SEMA4D: variants seen among roughly 807,000 people sequenced by gnomAD.
The protein encoded by SEMA4D is semaphorin 4D, also known as semaphorin-4D.
SEMA4D carries 22 observed loss-of-function variants against 74.8 expected under a neutral mutation model. That is an observed-to-expected ratio of 0.29 (90% CI 0.21 to 0.42). The LOEUF is 0.42. Among genes scored for constraint, SEMA4D ranks in the 10% least tolerant of loss-of-function variants. SEMA4D has a pLI of 1.00. For synonymous variants in SEMA4D, 445 were observed against 463.7 expected (o/e 0.96, Z 0.52); for missense variants, 937 against 1,118.4 (o/e 0.84, Z 2.31).
At chr9:89,410,760 C>T (rs1844356835) in intron 2 of SEMA4D, among the ~76,000 whole-genome samples, 1 of 152,186 alleles carries the variant, frequency 6.6e-6, no homozygotes, top group South Asian at 2.1e-4. Flanking sequence ...CCGCCCACAC[C>T]AGACACATCA....
At chr9:89,466,931 G>A (rs1182219491) in intron 1 of SEMA4D, among the ~76,000 whole-genome samples, 1 of 152,226 alleles carries the variant, frequency 6.6e-6, no homozygotes, top group African/African-American at 2.4e-5. Flanking sequence ...ACCAGCTCCA[G>A]AATGCAAGGC....
At chr9:89,417,740 C>T (rs1846014960) in intron 2 of SEMA4D, among the ~76,000 whole-genome samples, 1 of 152,202 alleles carries the variant, frequency 6.6e-6, no homozygotes, top group Non-Finnish European at 1.5e-5. Flanking sequence ...GTGCAGGCAC[C>T]AGGGGCCATC....
intron 16 of SEMA4D, among the ~76,000 whole-genome samples, chr9:89,372,051 G>T (rs1433817870): frequency 1.6e-5 from 1 of 63,166 alleles, no homozygotes; most frequent in East Asian, 5.5e-4. Context: ...TGTGTGTGTC[G>T]GGTGTGGTGT....
chr9:89,494,458 T>C (rs971513447), intron 1 of SEMA4D, among the ~76,000 whole-genome samples: 4 of 152,126 alleles, frequency 2.6e-5, no homozygotes, highest in Non-Finnish European at 5.9e-5. Flanking sequence ...CAGGTGTGTG[T>C]CCTTCCAGAT....
chr9:89,374,314 C>T (rs1457898992), downstream of SEMA4D, among the ~76,000 whole-genome samples: 2 of 152,246 alleles, frequency 1.3e-5, no homozygotes, highest in African/African-American at 4.8e-5. Context: ...TTCCCCATAT[C>T]CATCTGTGAC....
intron 2 of SEMA4D, among the ~76,000 whole-genome samples, chr9:89,432,074 C>A (rs1020166252): frequency 6.6e-6 from 1 of 152,014 alleles, no homozygotes; most frequent in Non-Finnish European, 1.5e-5. Context: ...TTACATGGCA[C>A]AGGAGCCTGG....
At chr9:89,396,263 G>T (rs544564507) in intron 6 of SEMA4D, among the ~76,000 whole-genome samples, 15 of 152,274 alleles carry the variant, frequency 9.9e-5, no homozygotes, top group African/African-American at 3.6e-4. Context: ...CACCAACCAA[G>T]AACACACAAG....
At chr9:89,493,277 G>A (rs577364922) in intron 1 of SEMA4D, among the ~76,000 whole-genome samples, 1 of 152,328 alleles carries the variant, frequency 6.6e-6, no homozygotes, top group African/African-American at 2.4e-5. Flanking sequence ...TCCAGATGGG[G>A]GAAAAGAATG....
intron 2 of SEMA4D, among the ~76,000 whole-genome samples, chr9:89,444,643 T>C (rs919594057): frequency 4.6e-5 from 7 of 151,912 alleles, no homozygotes; most frequent in Admixed American, 6.6e-5. Context: ...TATTATTTCA[T>C]GTTAAAAGCA....
chr9:89,377,914 G>A lies in SEMA4D; in HGVS notation c.*790C>T, dbSNP rs1162995988. Reference sequence around the variant, plus strand: ...AGTTAAAAAAAAAGAAAAGTAAAACGAAGTACAGAAAGAAAATCTCTCCAA... The same window carrying A: ...AGTTAAAAAAAAAGAAAAGTAAAACAAAGTACAGAAAGAAAATCTCTCCAA... On this transcript the variant is annotated 3_prime_UTR_variant, in exon 16 of 16. Coordinates refer to ENST00000422704, the MANE Select transcript of SEMA4D (RefSeq NM_001371194.2). The A allele has an allele frequency of 6.7e-6, 1 of 150,242 alleles. No individual in the cohort carries two copies. Among genetic ancestry groups the A allele is most frequent in the African/African-American group, 2.5e-5 (1 of 40,660 alleles). 9.3% of individuals were successfully genotyped at this position (150,242 alleles called of 1,614,324 possible).
In SEMA4D at chr9:89,381,104, A is replaced by G; in HGVS notation, c.1620-6T>C. 6.2e-7 allele frequency: 1 copy of G among 1,614,090 alleles called. No homozygotes were observed. The highest frequency in any genetic ancestry group is 8.5e-7 in the Non-Finnish European group (1 of 1,180,034). On this transcript the variant is annotated splice_polypyrimidine_tract_variant and splice_region_variant and intron_variant, in intron 14 of 15. Transcript: ENST00000422704. This position sits in a 1 kb window ranked among gnomAD's most constrained non-coding sequence, Gnocchi z 4.6. Reference sequence around the variant, plus strand: ...TCATCTCCTGAATCAAACCCCTGCAAAACAACCGGCACGTGTTATTCACCC... The same window carrying G: ...TCATCTCCTGAATCAAACCCCTGCAGAACAACCGGCACGTGTTATTCACCC...
chr9:89,395,243 T>C (rs1365154096), intron 6 of SEMA4D, among the ~76,000 whole-genome samples: 3 of 152,076 alleles, frequency 2.0e-5, no homozygotes, highest in Non-Finnish European at 4.4e-5. Context: ...CTGACCAACA[T>C]GGAGAAACCC....
At chr9:89,409,965 T>G (rs1315467752) in intron 2 of SEMA4D, among the ~76,000 whole-genome samples, 1 of 151,288 alleles carries the variant, frequency 6.6e-6, no homozygotes, top group Non-Finnish European at 1.5e-5. Flanking sequence ...ATATGAACTT[T>G]AAGGATAAAA....
At position 89,369,814 on chromosome 9, in the gene SEMA4D, G is replaced by A. The variant is rs144537925; in HGVS notation, c.1883-5864C>T. The stretch of plus-strand genomic sequence containing the variant: ...ATACACATGCTGCTCCACTTGCCAC[G>A]GGGCTGCATCCCAATAAACCCACTG... On this transcript the variant is annotated intron_variant, in intron 16 of 18. Coordinates refer to the SEMA4D transcript ENST00000339861. 3.5e-3 allele frequency among the ~76,000 whole-genome samples: 539 copies of A among 152,320 alleles called. 1 individual carries two copies. The highest frequency in any genetic ancestry group is 0.012 in the African/African-American group (505 of 41,558).
At chr9:89,444,634 A>G (rs1339552015) in intron 2 of SEMA4D, among the ~76,000 whole-genome samples, 1 of 152,034 alleles carries the variant, frequency 6.6e-6, no homozygotes, top group Non-Finnish European at 1.5e-5. Flanking sequence ...CCCCAAGCAT[A>G]TTATTTCATG....
chr9:89,460,810 T>C (rs1412672214), intron 1 of SEMA4D, among the ~76,000 whole-genome samples: 2 of 152,218 alleles, frequency 1.3e-5, no homozygotes, highest in African/African-American at 2.4e-5. Context: ...CTCAGCACAC[T>C]GGGCATTTTG....
At chr9:89,480,968 C>T (rs755894195) in intron 1 of SEMA4D, among the ~76,000 whole-genome samples, 39 of 152,228 alleles carry the variant, frequency 2.6e-4, no homozygotes, top group Middle Eastern at 3.2e-3. Context: ...ACTGCTAGCA[C>T]GCTGTCACCT....
chr9:89,370,414 GTGTT>G (rs1318484784), intron 16 of SEMA4D, among the ~76,000 whole-genome samples: 3 of 151,062 alleles, frequency 2.0e-5, no homozygotes, highest in Middle Eastern at 3.4e-3. Flanking sequence ...TGTGTGTGGT[GTGTT>G]TGTGGTGTGT....
At chr9:89,435,765 T>C (rs1341734651) in intron 2 of SEMA4D, among the ~76,000 whole-genome samples, 1 of 152,248 alleles carries the variant, frequency 6.6e-6, no homozygotes, top group African/African-American at 2.4e-5. Context: ...CAACCTGGTC[T>C]GGGTGCACCC....
Sources: gnomAD v4.1 joint callset for allele counts (sites outside exome capture counted in the v4.1 genomes callset) on GRCh38, gnomAD v4.1.1 for gene constraint, Gnocchi (gnomAD v3.1) non-coding constraint, MANE v1.5 for transcripts, NCBI Gene and HGNC (gene_info 2026-07-23, HGNC 2026-07-21) for gene names.